CDK5RAP2: variants seen among roughly 807,000 people sequenced by gnomAD.
CDK5RAP2 encodes the protein CDK5 regulatory subunit associated protein 2, also known as CDK5 regulatory subunit-associated protein 2.
Under a neutral mutation model 232.9 loss-of-function variants are expected in CDK5RAP2, and 147 were observed. The ratio of observed to expected loss-of-function variants is 0.63; its 90% confidence interval spans 0.55 to 0.72. The LOEUF is 0.72. CDK5RAP2 is among the 30% of genes least tolerant of loss of function. The probability of loss-of-function intolerance (pLI) is 0.00; values close to 1 mark genes in which losing one functional copy is unlikely to be tolerated. For missense variants in CDK5RAP2, 2,195 were observed against 2,231.5 expected (o/e 0.98, Z 0.33); for synonymous variants, 833 against 833.7 (o/e 1.00, Z 0.01).
chr9:120,487,482 A>G, intron 13 of CDK5RAP2, 45 bp from the exon 14 acceptor site: 1 of 1,467,882 alleles, frequency 6.8e-7, no homozygotes, highest in Non-Finnish European at 9.3e-7. Flanking sequence ...ATCAAGAAAA[A>G]AAATATTAAG....
At chr9:120,505,424 T>G (rs181934386) in intron 12 of CDK5RAP2, among the ~76,000 whole-genome samples, 5 of 152,244 alleles carry the variant, frequency 3.3e-5, no homozygotes, top group Admixed American at 2.6e-4. Context: ...CTATGCCCTA[T>G]GATACAACAA....
At chr9:120,517,009 A>C (rs1481809655) in intron 12 of CDK5RAP2, among the ~76,000 whole-genome samples, 1 of 152,202 alleles carries the variant, frequency 6.6e-6, no homozygotes, top group African/African-American at 2.4e-5. Flanking sequence ...TGTGAAATCT[A>C]TTCAGTGAAA....
chr9:120,409,172 T>C lies in CDK5RAP2; in HGVS notation c.4559A>G (p.Gln1520Arg), dbSNP rs2131309791. ...KEGSEKERHN[Q>R]QLIQEVRCSG... is the part of the protein sequence containing the mutation. Reference sequence around the variant, plus strand: ...GCAGCGGACCTCCTGGATCAGCTGCTGGTTGTGTCTCTCCTTCTCGCTGCC... The same window carrying C: ...GCAGCGGACCTCCTGGATCAGCTGCCGGTTGTGTCTCTCCTTCTCGCTGCC... Residue 1520 changes from glutamine to arginine, a missense_variant, in exon 30 of 38, where the codon CAG becomes CGG. Gln to Arg is a conservative substitution (Grantham distance 43). Coordinates refer to ENST00000349780, the MANE Select transcript of CDK5RAP2 (RefSeq NM_018249.6). 2.5e-6 allele frequency: 4 copies of C among 1,613,426 alleles called. No individual in the cohort carries two copies. Among genetic ancestry groups the C allele is most frequent in the African/African-American group, 1.3e-5 (1 of 75,054 alleles).
chr9:120,425,522 A>G (rs2034837845), intron 25 of CDK5RAP2, among the ~76,000 whole-genome samples: 1 of 152,240 alleles, frequency 6.6e-6, no homozygotes, highest in African/African-American at 2.4e-5. Flanking sequence ...AAAAACATCT[A>G]GTTATCCCAT....
At chr9:120,553,895 G>A (rs2042133034) in intron 3 of CDK5RAP2, among the ~76,000 whole-genome samples, 1 of 152,154 alleles carries the variant, frequency 6.6e-6, no homozygotes, top group Admixed American at 6.6e-5. Flanking sequence ...CCAAAGTGCT[G>A]GGATTATAGG....
chr9:120,551,413 C>A (rs140157864), intron 3 of CDK5RAP2, among the ~76,000 whole-genome samples: 1 of 152,188 alleles, frequency 6.6e-6, no homozygotes, highest in African/African-American at 2.4e-5. Flanking sequence ...GGTAACCTTA[C>A]AATTTAGGAA....
chr9:120,540,203 G>A (rs550069524), intron 5 of CDK5RAP2, among the ~76,000 whole-genome samples: 47 of 152,230 alleles, frequency 3.1e-4, no homozygotes, highest in African/African-American at 8.9e-4. Context: ...AAACAGTGTC[G>A]GACATGACTC....
At chr9:120,541,055 T>C (rs1479603699) in intron 5 of CDK5RAP2, among the ~76,000 whole-genome samples, 1 of 152,232 alleles carries the variant, frequency 6.6e-6, no homozygotes. Context: ...AGGAGCATTA[T>C]ACACGGCCGA....
At chr9:120,491,023 G>A (rs2038875558) in intron 13 of CDK5RAP2, among the ~76,000 whole-genome samples, 1 of 152,226 alleles carries the variant, frequency 6.6e-6, no homozygotes, top group South Asian at 2.1e-4. Flanking sequence ...AAGAACCTCA[G>A]TGAAGTGGCC....
At chr9:120,404,208 T>A in intron 32 of CDK5RAP2, 95 bp from the exon 33 acceptor site, 1 of 807,780 alleles carries the variant, frequency 1.2e-6, no homozygotes, top group Non-Finnish European at 2.1e-6. Context: ...TCACATTCAC[T>A]TATCCATACA....
chr9:120,532,405 C>T (rs1418013260), intron 7 of CDK5RAP2: 1 of 152,120 alleles, frequency 6.6e-6, no homozygotes, highest in Non-Finnish European at 1.5e-5. Flanking sequence ...TGGTGGGAGC[C>T]CAGAAAGATA....
At chr9:120,521,495 G>A (rs2131859768) in intron 11 of CDK5RAP2, among the ~76,000 whole-genome samples, 1 of 152,118 alleles carries the variant, frequency 6.6e-6, no homozygotes, top group East Asian at 1.9e-4. Context: ...AGTCTCACAA[G>A]TTCTGATGGT....
At chr9:120,415,384 C>T (rs1057027901) in intron 27 of CDK5RAP2, among the ~76,000 whole-genome samples, 2 of 152,316 alleles carry the variant, frequency 1.3e-5, no homozygotes, top group South Asian at 4.1e-4. Flanking sequence ...AGATATTTTA[C>T]ATCACATAGA....
At chr9:120,466,981 T>C (rs1015533551) in intron 18 of CDK5RAP2, among the ~76,000 whole-genome samples, 2 of 152,222 alleles carry the variant, frequency 1.3e-5, no homozygotes, top group Admixed American at 6.5e-5. Flanking sequence ...AGAGCAGTTC[T>C]GGTCTTCCGA....
At chr9:120,513,412 G>C (rs1200955980) in intron 12 of CDK5RAP2, among the ~76,000 whole-genome samples, 1 of 152,094 alleles carries the variant, frequency 6.6e-6, no homozygotes, top group African/African-American at 2.4e-5. Flanking sequence ...CTGCATCCAA[G>C]GCTCTCCACA....
At chr9:120,394,261 C>T (rs922716697) in intron 36 of CDK5RAP2, among the ~76,000 whole-genome samples, 11 of 152,218 alleles carry the variant, frequency 7.2e-5, no homozygotes, top group Non-Finnish European at 1.5e-4. Flanking sequence ...GTTCCCATCA[C>T]TGCACATGCC....
At chr9:120,432,452 TTTTTAAGA>T (rs1456213239) in intron 25 of CDK5RAP2, among the ~76,000 whole-genome samples, 1 of 152,224 alleles carries the variant, frequency 6.6e-6, no homozygotes, top group Non-Finnish European at 1.5e-5. Flanking sequence ...TATATTTAAA[TTTTTAAGA>T]ACTCATGCTA....
intron 14 of CDK5RAP2, among the ~76,000 whole-genome samples, chr9:120,477,931 T>A (rs1247101155): frequency 1.3e-5 from 2 of 152,180 alleles, no homozygotes; most frequent in Admixed American, 1.3e-4. Context: ...CAGAACACAG[T>A]GATGATGAAG....
At chr9:120,402,029 C>T (rs761947763) in intron 34 of CDK5RAP2, among the ~76,000 whole-genome samples, 8 of 151,782 alleles carry the variant, frequency 5.3e-5, no homozygotes, top group South Asian at 2.1e-4. Context: ...TGATAGCTGA[C>T]GCCTGTAATC....
Sources: gnomAD v4.1 joint callset for allele counts (sites outside exome capture counted in the v4.1 genomes callset) on GRCh38, gnomAD v4.1.1 for gene constraint, MANE v1.5 for transcripts, NCBI Gene and HGNC (gene_info 2026-07-23, HGNC 2026-07-21) for gene names.